The following PARP4 variants were observed in gnomAD, a reference collection of about 807,000 sequenced individuals.
The protein encoded by PARP4 is poly(ADP-ribose) polymerase family member 4.
A neutral mutation model predicts 187.7 loss-of-function variants in PARP4; 120 were observed. The ratio of observed to expected loss-of-function variants is 0.64; its 90% CI spans 0.55 to 0.74. PARP4 has a LOEUF of 0.74. Among genes scored for constraint, PARP4 ranks in the 30% least tolerant of loss-of-function variants. The probability of loss-of-function intolerance (pLI) is 0.00; values close to 1 mark genes in which losing one functional copy is unlikely to be tolerated. For missense variants in PARP4, 1,836 were observed against 2,070.5 expected (o/e 0.89, Z 2.20); for synonymous variants, 654 against 740.9 (o/e 0.88, Z 1.90).
chr13:24,435,571 C>T (rs1870593082), intron 30 of PARP4, 97 bp from the exon 31 acceptor site: 1 of 1,252,284 alleles, frequency 8.0e-7, no homozygotes, highest in Admixed American at 2.3e-5. Context: ...TCCCACCCAT[C>T]AGGCAGTTGC....
At chr13:24,469,472 T>G (rs1222481672) in intron 16 of PARP4, among the ~76,000 whole-genome samples, 1 of 152,206 alleles carries the variant, frequency 6.6e-6, no homozygotes, top group Non-Finnish European at 1.5e-5. Context: ...AAAGAATTAA[T>G]CAACTGTTGT....
chr13:24,454,987 C>T, intron 22 of PARP4, 30 bp downstream of exon 22: 1 of 1,522,312 alleles, frequency 6.6e-7, no homozygotes, highest in South Asian at 1.2e-5. Flanking sequence ...AGGGGAAGCA[C>T]ACGCAGGACC....
intron 32 of PARP4, among the ~76,000 whole-genome samples, chr13:24,429,500 T>C (rs9581030): frequency 0.016 from 2,469 of 152,368 alleles, 74 homozygotes; most frequent in African/African-American, 0.055. Flanking sequence ...GGCTTTGTTT[T>C]AGGCTTTATT....
chr13:24,460,025 G>A lies in PARP4; in HGVS notation c.2245C>T (p.Pro749Ser), dbSNP rs1345482241. 1 of 1,613,912 alleles carries A rather than the reference G, an allele frequency of 6.2e-7. No homozygotes were observed. Among genetic ancestry groups the A allele is most frequent in the Non-Finnish European group, 8.5e-7 (1 of 1,179,980 alleles). ...ILGTVGVFFM[P>S]ATVAPWQQDK... Reference sequence around the variant, plus strand: ...TGTTGCCAGGGTGCTACGGTGGCGGGCATGAAAAAGACACCAACAGTGCCC... The same window carrying A: ...TGTTGCCAGGGTGCTACGGTGGCGGACATGAAAAAGACACCAACAGTGCCC... Residue 749 changes from proline (P) to serine (S), a missense_variant, in exon 18 of 34, where the codon CCC (proline) becomes TCC (serine). Transcript: ENST00000381989.
At position 24,431,358 on chromosome 13, in the gene PARP4, T is replaced by C; in HGVS notation, c.4846+19A>G. On this transcript the variant is annotated intron_variant, in intron 32 of 33. Coordinates refer to ENST00000381989, the MANE Select transcript of PARP4 (RefSeq NM_006437.4). The stretch of plus-strand genomic sequence containing the variant: ...TGAATGAAAATAATGACTTAATAAA[T>C]GGAAACATAGTGCCTTACCTAGAGA... 1 of 1,363,312 alleles carries C rather than the reference T, an allele frequency of 7.3e-7. No individual in the cohort carries two copies. Among genetic ancestry groups the C allele is most frequent in the African/African-American group, 1.5e-5 (1 of 67,736 alleles). The allele number at this position is 1,363,312 out of a possible 1,614,324, so 84.5% of individuals were successfully genotyped here.
At position 24,426,565 on chromosome 13, in the gene PARP4, A is replaced by G. The variant is rs754177942; in HGVS notation, c.4880T>C (p.Ile1627Thr). The G allele has an allele frequency of 6.2e-7, 1 of 1,612,800 alleles. No homozygotes were observed. The highest frequency in any genetic ancestry group is 1.7e-5 in the Admixed American group (1 of 60,006). The change falls in exon 33 of 34, where the codon ATT becomes ACT. Residue 1627 changes from isoleucine (I) to threonine (T), a missense_variant. Transcript: ENST00000381989. ...VKGRECLLDLIATMLVLQFIR... is the reference protein window; with the variant it reads ...VKGRECLLDLTATMLVLQFIR... ...AAACTGTAGTACCAGCATTGTGGCA[A>G]TTAGGTCCAGGAGACATTCTCTTCC...
chr13:24,431,340 AAATAATGACTT>A (rs750573516), intron 32 of PARP4, 26 bp downstream of exon 32: 3 of 1,162,058 alleles, frequency 2.6e-6, no homozygotes, highest in Non-Finnish European at 3.7e-6. Flanking sequence ...TAATGAATGA[AAATAATGACTT>A]AATAAATGGA....
chr13:24,494,532 A>ATTG, intron 7 of PARP4, 41 bp downstream of exon 7: 3 of 1,539,742 alleles, frequency 1.9e-6, no homozygotes, highest in Non-Finnish European at 1.8e-6. Flanking sequence ...TTCTATTAAA[A>ATTG]ATATTCAATC....
chr13:24,444,371 A>G (rs1408344653), intron 27 of PARP4, among the ~76,000 whole-genome samples: 21 of 152,304 alleles, frequency 1.4e-4, no homozygotes, highest in Non-Finnish European at 2.9e-4. Flanking sequence ...CTCCCTTATC[A>G]GTACCCACAA....
chr13:24,432,230 C>G (rs1249596760), intron 31 of PARP4, among the ~76,000 whole-genome samples: 4 of 152,110 alleles, frequency 2.6e-5, no homozygotes, highest in Non-Finnish European at 5.9e-5. Context: ...CAAATATTTT[C>G]TTCTAGCTAT....
At chr13:24,448,550 GGA>G (rs1161370233) in intron 25 of PARP4, among the ~76,000 whole-genome samples, 1 of 151,646 alleles carries the variant, frequency 6.6e-6, no homozygotes, top group Non-Finnish European at 1.5e-5. Flanking sequence ...CAGCTGCTAT[GGA>G]AGACAGCATG....
intron 19 of PARP4, 50 bp from the exon 20 acceptor site, chr13:24,459,172 A>G (rs1872053118): frequency 6.4e-7 from 1 of 1,571,228 alleles, no homozygotes. Context: ...TTAAATTTCT[A>G]TCTGAAATTA....
Position 24,492,443 on chromosome 13 carries a change from G to T in PARP4, c.1031C>A (p.Ala344Asp). 7 of 1,613,336 alleles carry T rather than the reference G, an allele frequency of 4.3e-6. No homozygotes were observed. The highest frequency in any genetic ancestry group is 5.9e-6 in the Non-Finnish European group (7 of 1,179,612). ...TACCTGGCAGAGGTCTGCTTTCTTAGCCAATAGTCCCAGGTTCACTTCTTT... is the reference window on the plus strand; with the variant it reads ...TACCTGGCAGAGGTCTGCTTTCTTATCCAATAGTCCCAGGTTCACTTCTTT... Reference protein sequence around the residue: ...MPKEVNLGLLAKKADLCQLIR... With the variant: ...MPKEVNLGLLDKKADLCQLIR... Residue 344 changes from alanine (A) to aspartate (D), a missense_variant, in exon 9 of 34, where the codon GCT (alanine) becomes GAT (aspartate). Around this residue, in one of 8 missense-constraint regions of PARP4, gnomAD observed 1,147 missense variants for 1,214.2 expected, o/e 0.94. Transcript: ENST00000381989.
chr13:24,440,293 G>T (rs1870854371), intron 30 of PARP4, among the ~76,000 whole-genome samples: 1 of 151,480 alleles, frequency 6.6e-6, no homozygotes, highest in Non-Finnish European at 1.5e-5. Flanking sequence ...AGCAACTCAG[G>T]AGACTGAGGA....
At chr13:24,459,827 T>A in intron 18 of PARP4, 145 bp downstream of exon 18, 1 of 620,378 alleles carries the variant, frequency 1.6e-6, no homozygotes. Context: ...ACATAATGTA[T>A]CTAAATGCAT....
intron 1 of PARP4, among the ~76,000 whole-genome samples, chr13:24,505,834 T>C (rs1350974830): frequency 6.6e-6 from 1 of 152,238 alleles, no homozygotes; most frequent in Non-Finnish European, 1.5e-5. Flanking sequence ...TTCCAAGTCC[T>C]GTATTAGTTT....
chr13:24,480,490 G>A (rs1234734819), intron 12 of PARP4, among the ~76,000 whole-genome samples: 1 of 152,252 alleles, frequency 6.6e-6, no homozygotes, highest in Non-Finnish European at 1.5e-5. Flanking sequence ...CAGGCTGAAA[G>A]CTAGGCCTCT....
chr13:24,455,678 C>T (rs1391235923), intron 21 of PARP4, among the ~76,000 whole-genome samples: 1 of 135,132 alleles, frequency 7.4e-6, no homozygotes, highest in Non-Finnish European at 1.5e-5. Context: ...TATGCAGTGG[C>T]ACGATCACAG....
chr13:24,506,940 G>A (rs1013315291), intron 1 of PARP4, among the ~76,000 whole-genome samples: 8 of 152,310 alleles, frequency 5.3e-5, no homozygotes, highest in South Asian at 4.1e-4. Context: ...TGCAGGTCCC[G>A]AGCCCTGCCC....
Sources: gnomAD v4.1 joint callset for allele counts (sites outside exome capture counted in the v4.1 genomes callset) on GRCh38, gnomAD v4.1.1 for gene constraint, gnomAD v4.1.1 regional missense constraint, MANE v1.5 for transcripts, NCBI Gene and HGNC (gene_info 2026-07-23, HGNC 2026-07-21) for gene names.